Variants in PTPRD observed in about 807,000 individuals in gnomAD.
The protein encoded by PTPRD is protein tyrosine phosphatase receptor type D, also known as receptor-type tyrosine-protein phosphatase delta.
A neutral mutation model predicts 214.5 loss-of-function variants in PTPRD; 34 were observed. The observed-to-expected ratio is 0.16, with a 90% CI of 0.12 to 0.21. The LOEUF (loss-of-function observed/expected upper bound fraction) is 0.21. PTPRD is among the 10% of genes least tolerant of loss of function. PTPRD has a pLI of 1.00. For synonymous variants in PTPRD, 1,128 were observed against 845.7 expected (o/e 1.33, Z -5.79); for missense variants, 2,545 against 2,398.7 (o/e 1.06, Z -1.27).
intron 37 of PTPRD, among the ~76,000 whole-genome samples, chr9:8,382,195 T>C (rs540093340): frequency 6.6e-6 from 1 of 152,360 alleles, no homozygotes; most frequent in Admixed American, 6.5e-5. Context: ...TAACAACCAG[T>C]ACAACTATGT....
rs73420497 is a variant in PTPRD, at chr9:8,419,638, C to A, written c.4087-14978G>T. 2.3e-3 allele frequency among the ~76,000 whole-genome samples: 354 copies of A among 151,748 alleles called. 1 individual carries two copies. Among genetic ancestry groups the A allele is most frequent in the African/African-American group, 8.4e-3 (348 of 41,426 alleles). On this transcript the variant is annotated intron_variant, in intron 35 of 45. Coordinates refer to ENST00000381196, the MANE Select transcript of PTPRD (RefSeq NM_002839.4). ...GAAAAATATCTATATGATTCTTTGG[C>A]ATCTCATATTTCTTTCTCGGGGGGG...
At chr9:9,457,900 A>G (rs1329118064) in intron 8 of PTPRD, among the ~76,000 whole-genome samples, 3 of 152,038 alleles carry the variant, frequency 2.0e-5, no homozygotes, top group African/African-American at 7.2e-5. Context: ...CCCTACTACC[A>G]TCATTGGTGG....
At chr9:9,413,363 C>A (rs190001354) in intron 8 of PTPRD, among the ~76,000 whole-genome samples, 2,442 of 151,696 alleles carry the variant, frequency 0.016, 43 homozygotes, top group Non-Finnish European at 0.023. Context: ...ATCCACCCGC[C>A]TCGGCCTCCC....
At chr9:9,092,300 A>G (rs2099777363) in intron 10 of PTPRD, among the ~76,000 whole-genome samples, 2 of 152,168 alleles carry the variant, frequency 1.3e-5, no homozygotes, top group Non-Finnish European at 2.9e-5. Context: ...TCATGACTGT[A>G]TCCTGGTACT....
intron 8 of PTPRD, among the ~76,000 whole-genome samples, chr9:9,500,054 G>A (rs796391159): frequency 2.0e-5 from 3 of 152,066 alleles, no homozygotes; most frequent in African/African-American, 7.2e-5. Flanking sequence ...ATTTGCAGAA[G>A]TATTCTTTGA....
chr9:9,358,376 T>A (rs1250092286), intron 9 of PTPRD, among the ~76,000 whole-genome samples: 2 of 151,362 alleles, frequency 1.3e-5, no homozygotes, highest in East Asian at 3.9e-4. Context: ...TTGCTTACTA[T>A]AATGAAATCA....
chr9:9,705,746 A>G lies in PTPRD; in HGVS notation c.-287+28787T>C, dbSNP rs540387512. Among the ~76,000 whole-genome samples, 138 of 152,292 alleles carry G rather than the reference A, an allele frequency of 9.1e-4. 1 individual carries two copies. The highest frequency in any genetic ancestry group is 2.9e-4 in the Non-Finnish European group (20 of 68,020). ...CATACTAATGTACAAAAAAATCAAAAAAGTTTTTTATCTGTGCAGAATGAT... is the reference window on the plus strand; with the variant it reads ...CATACTAATGTACAAAAAAATCAAAGAAGTTTTTTATCTGTGCAGAATGAT... On this transcript the variant is annotated intron_variant, in intron 7 of 45. Transcript: ENST00000381196.
intron 7 of PTPRD, among the ~76,000 whole-genome samples, chr9:9,679,852 C>G (rs1177804701): frequency 6.6e-6 from 1 of 151,816 alleles, no homozygotes; most frequent in Non-Finnish European, 1.5e-5. Context: ...TCCTAGAAAT[C>G]TGGAGTCTGT....
chr9:9,885,623 G>C (rs1054855588), intron 5 of PTPRD, among the ~76,000 whole-genome samples: 1 of 151,998 alleles, frequency 6.6e-6, no homozygotes, highest in Non-Finnish European at 1.5e-5. Flanking sequence ...AGAAGGGAGG[G>C]TAGTTTTAGA....
chr9:10,531,075 G>A (rs984658706), intron 2 of PTPRD, among the ~76,000 whole-genome samples: 8 of 151,604 alleles, frequency 5.3e-5, no homozygotes, highest in Admixed American at 6.6e-5. Flanking sequence ...TAAGCCTTCC[G>A]AGTGGCTGGG....
At chr9:10,272,400 T>A (rs1490656861) in intron 3 of PTPRD, among the ~76,000 whole-genome samples, 1 of 152,228 alleles carries the variant, frequency 6.6e-6, no homozygotes, top group Non-Finnish European at 1.5e-5. Flanking sequence ...AAAGAGTGCA[T>A]CTGTGAACAT....
chr9:9,211,891 T>G (rs953039885), intron 9 of PTPRD, among the ~76,000 whole-genome samples: 2 of 152,156 alleles, frequency 1.3e-5, no homozygotes, highest in South Asian at 2.1e-4. Flanking sequence ...GTTTCAGTGT[T>G]GCAGCCAGCC....
intron 32 of PTPRD, among the ~76,000 whole-genome samples, chr9:8,465,222 T>C (rs1025039045): frequency 6.6e-6 from 1 of 151,934 alleles, no homozygotes; most frequent in African/African-American, 2.4e-5. Flanking sequence ...GTCCTATCGA[T>C]CTGGAACTTC....
At chr9:10,474,935 A>G (rs1012766217) in intron 2 of PTPRD, among the ~76,000 whole-genome samples, 2 of 152,200 alleles carry the variant, frequency 1.3e-5, no homozygotes, top group Non-Finnish European at 2.9e-5. Context: ...TTTGAAAGCA[A>G]TGAGAACAAA....
chr9:9,018,211 T>C (rs2099544432), intron 11 of PTPRD, among the ~76,000 whole-genome samples: 1 of 152,166 alleles, frequency 6.6e-6, no homozygotes, highest in Admixed American at 6.6e-5. Flanking sequence ...GGTTGTTGTA[T>C]TGTTCATACT....
At chr9:9,486,301 T>G (rs903167134) in intron 8 of PTPRD, among the ~76,000 whole-genome samples, 1 of 152,008 alleles carries the variant, frequency 6.6e-6, no homozygotes, top group African/African-American at 2.4e-5. Flanking sequence ...CAAGGATGGA[T>G]TGTTAGGCTG....
At chr9:8,583,237 T>C (rs1341843842) in intron 14 of PTPRD, among the ~76,000 whole-genome samples, 2 of 152,212 alleles carry the variant, frequency 1.3e-5, no homozygotes, top group African/African-American at 4.8e-5. Flanking sequence ...TGATCTCTTG[T>C]CCGCTGCTCA....
At chr9:8,765,470 A>C (rs1370204720) in intron 11 of PTPRD, among the ~76,000 whole-genome samples, 1 of 152,140 alleles carries the variant, frequency 6.6e-6, no homozygotes, top group Non-Finnish European at 1.5e-5. Context: ...GGTGAGAAAA[A>C]CCAATCCCTG....
At chr9:10,235,420 C>T (rs1318134478) in intron 3 of PTPRD, among the ~76,000 whole-genome samples, 3 of 151,888 alleles carry the variant, frequency 2.0e-5, no homozygotes, top group South Asian at 2.1e-4. Flanking sequence ...AGACTCAGGA[C>T]GCTAAAGAGT....
Sources: gnomAD v4.1 joint callset for allele counts (sites outside exome capture counted in the v4.1 genomes callset) on GRCh38, gnomAD v4.1.1 for gene constraint, MANE v1.5 for transcripts, NCBI Gene and HGNC (gene_info 2026-07-23, HGNC 2026-07-21) for gene names.